The following NEDD4 variants were observed in gnomAD, a reference collection of about 807,000 sequenced individuals.
NEDD4 encodes NEDD4 E3 ubiquitin protein ligase.
NEDD4 carries 99 observed loss-of-function variants against 144.9 expected under a neutral mutation model. The ratio of observed to expected loss-of-function variants is 0.68; its 90% CI spans 0.58 to 0.81. NEDD4 has a LOEUF of 0.81. NEDD4 is among the 30% of genes least tolerant of loss of function. NEDD4 has a pLI of 0.00. For missense variants in NEDD4, 985 were observed against 1,065.9 expected (o/e 0.92, Z 1.06); for synonymous variants, 318 against 350.6 (o/e 0.91, Z 1.04).
chr15:55,918,979 T>C (rs569554819), intron 5 of NEDD4, among the ~76,000 whole-genome samples: 72 of 152,274 alleles, frequency 4.7e-4, no homozygotes, highest in African/African-American at 1.7e-3. Flanking sequence ...ATTGTTCATG[T>C]CTGTGGCCTA....
chr15:55,892,913 A>C (rs1198946054), intron 5 of NEDD4, among the ~76,000 whole-genome samples: 2 of 152,198 alleles, frequency 1.3e-5, no homozygotes, highest in Admixed American at 6.5e-5. Context: ...TAGATTGTCA[A>C]TCTAAATTCA....
intron 1 of NEDD4, among the ~76,000 whole-genome samples, chr15:55,986,120 A>G (rs1215723926): frequency 6.6e-6 from 1 of 152,226 alleles, no homozygotes; most frequent in Non-Finnish European, 1.5e-5. Context: ...GGGATTTTAC[A>G]AGTCTATGCT....
At position 55,830,013 on chromosome 15, in the gene NEDD4, G is replaced by A. The variant is rs758527272; in HGVS notation, c.2601-14C>T. The A allele has an allele frequency of 1.9e-6, 3 of 1,592,914 alleles. No individual in the cohort carries two copies. Among genetic ancestry groups the A allele is most frequent in the Non-Finnish European group, 2.6e-6 (3 of 1,163,678 alleles). On this transcript the variant is annotated splice_polypyrimidine_tract_variant and intron_variant, in intron 28 of 28. Transcript: ENST00000435532. The stretch of plus-strand genomic sequence containing the variant: ...AGGCGATTAAAACTGAAAGAACAGA[G>A]AGGAAGTGGTTATGAAAGACACTGA...
At chr15:55,951,953 A>G (rs2037248347) in intron 2 of NEDD4, among the ~76,000 whole-genome samples, 1 of 151,900 alleles carries the variant, frequency 6.6e-6, no homozygotes, top group Non-Finnish European at 1.5e-5. Context: ...GTAAGACTTC[A>G]GGTTGTCTCA....
intron 9 of NEDD4, among the ~76,000 whole-genome samples, chr15:55,862,059 T>C (rs1350971569): frequency 6.6e-6 from 1 of 152,164 alleles, no homozygotes; most frequent in African/African-American, 2.4e-5. Flanking sequence ...TTTTATAGTG[T>C]CTTCAGCTTT....
chr15:55,943,304 C>T (rs2037042582), intron 4 of NEDD4, among the ~76,000 whole-genome samples: 1 of 152,176 alleles, frequency 6.6e-6, no homozygotes, highest in African/African-American at 2.4e-5. Context: ...ATAGCCAAGA[C>T]AATGGGGAAG....
At chr15:55,918,858 G>A (rs1225271085) in intron 5 of NEDD4, among the ~76,000 whole-genome samples, 1 of 152,118 alleles carries the variant, frequency 6.6e-6, no homozygotes, top group Admixed American at 6.6e-5. Context: ...ATAAGGAGGA[G>A]TCCTGTTTTA....
intron 8 of NEDD4, among the ~76,000 whole-genome samples, chr15:55,865,828 A>G (rs2142047165): frequency 6.6e-6 from 1 of 152,256 alleles, no homozygotes; most frequent in South Asian, 2.1e-4. Context: ...TTTCTGCAGC[A>G]AGGCTGATCT....
intron 5 of NEDD4, among the ~76,000 whole-genome samples, chr15:55,911,034 C>T (rs1463085867): frequency 6.6e-6 from 1 of 151,494 alleles, no homozygotes; most frequent in Non-Finnish European, 1.5e-5. Context: ...CCGCCTCCCA[C>T]ATCCCCAGGC....
At chr15:55,843,546 CA>C (rs535767771) in intron 18 of NEDD4, among the ~76,000 whole-genome samples, 11 of 152,056 alleles carry the variant, frequency 7.2e-5, no homozygotes, top group Non-Finnish European at 1.0e-4. Flanking sequence ...ACTTCATGGG[CA>C]AATTTCCAGG....
intron 5 of NEDD4, among the ~76,000 whole-genome samples, chr15:55,888,908 A>T (rs2035476554): frequency 6.6e-6 from 1 of 152,192 alleles, no homozygotes; most frequent in Non-Finnish European, 1.5e-5. Flanking sequence ...TGCAAAAGAA[A>T]CAAACTAGAC....
Position 55,965,444 on chromosome 15 carries a change from T to A in NEDD4, c.119+1029A>T. ...CTCAAACTCCTGAGCTCAAGCAACC[T>A]GTCTGCCTCAGTCTCCCAAACCCCG... On this transcript the variant is annotated intron_variant, in intron 2 of 28. Coordinates refer to ENST00000435532, the MANE Select transcript of NEDD4 (RefSeq NM_006154.4). Among the ~76,000 whole-genome samples, 2 of 152,012 alleles carry A rather than the reference T, an allele frequency of 1.3e-5. 1 individual carries two copies. The highest frequency in any genetic ancestry group is 3.9e-4 in the East Asian group (2 of 5,144).
chr15:55,852,373 A>C, intron 13 of NEDD4, 51 bp downstream of exon 13: 2 of 1,578,928 alleles, frequency 1.3e-6, no homozygotes, highest in African/African-American at 2.7e-5. Flanking sequence ...TTACATAGGG[A>C]TGTGACAGTT....
Position 55,828,313 on chromosome 15 carries a change from A to G in NEDD4, c.*1584T>C, listed in dbSNP as rs2032786138. ...TGTGTATATATATATATTTAAGAAG[A>G]TTCGTAACATATATTTACAATTATT... On this transcript the variant is annotated 3_prime_UTR_variant, in exon 29 of 29. Transcript: ENST00000435532. 1 of 152,322 alleles carries G rather than the reference A, an allele frequency of 6.6e-6. No individual in the cohort carries two copies. The highest frequency in any genetic ancestry group is 2.1e-4 in the South Asian group (1 of 4,820). 9.4% of individuals were successfully genotyped at this position (152,322 alleles called of 1,614,324 possible). A position where few individuals can be genotyped will look rare whatever the true frequency, so the allele number is the denominator to read the frequency against.
chr15:55,933,955 A>G (rs1157916443), intron 4 of NEDD4, among the ~76,000 whole-genome samples: 1 of 152,148 alleles, frequency 6.6e-6, no homozygotes, highest in Non-Finnish European at 1.5e-5. Flanking sequence ...GGAGTTCGAG[A>G]CCATTCTGGC....
chr15:55,856,502 A>T (rs531133847), intron 11 of NEDD4, among the ~76,000 whole-genome samples: 1 of 152,308 alleles, frequency 6.6e-6, no homozygotes, highest in African/African-American at 2.4e-5. Context: ...TTGTTGTTTT[A>T]ACTTCAAGTT....
chr15:55,988,487 T>TAAAAAAAAAAAAAAAATA (rs2037933678), intron 1 of NEDD4, among the ~76,000 whole-genome samples: 1 of 101,712 alleles, frequency 9.8e-6, no homozygotes, highest in African/African-American at 4.1e-5. Context: ...AAAAAAAAAT[T>TAAAAAAAAAAAAAAAATA]AAAAAAAAAA....
chr15:55,943,558 T>A (rs1254817828), intron 4 of NEDD4, among the ~76,000 whole-genome samples: 4 of 152,332 alleles, frequency 2.6e-5, no homozygotes, highest in South Asian at 4.1e-4. Context: ...CACATGGTTT[T>A]AAGCCTGCAG....
At chr15:55,991,400 A>G (rs1278632128) in intron 1 of NEDD4, among the ~76,000 whole-genome samples, 2 of 152,220 alleles carry the variant, frequency 1.3e-5, no homozygotes, top group Non-Finnish European at 2.9e-5. Flanking sequence ...TCCACAAGAA[A>G]AAAAGTGACT....
Sources: allele counts gnomAD v4.1 joint callset (sites outside exome capture counted in the v4.1 genomes callset), GRCh38; gene constraint gnomAD v4.1.1; transcripts MANE v1.5; gene names NCBI Gene and HGNC (gene_info 2026-07-23, HGNC 2026-07-21).